PLCG2: variants seen among roughly 807,000 people sequenced by gnomAD.
The protein encoded by PLCG2 is phospholipase C gamma 2, also known as 1-phosphatidylinositol 4,5-bisphosphate phosphodiesterase gamma-2.
Under a neutral mutation model 175.6 loss-of-function variants are expected in PLCG2, and 69 were observed. The observed-to-expected ratio is 0.39, with a 90% confidence interval of 0.32 to 0.48. The LOEUF (loss-of-function observed/expected upper bound fraction) is 0.48, where lower values mean the gene tolerates loss of function less well. Among genes scored for constraint, PLCG2 ranks in the 20% least tolerant of loss-of-function variants. PLCG2 has a pLI of 0.91. For synonymous variants in PLCG2, 827 were observed against 624.0 expected (o/e 1.33, Z -4.85); for missense variants, 1,798 against 1,650.9 (o/e 1.09, Z -1.54).
At chr16:81,776,101 T>TGCTTTC (rs1910397888), upstream of PLCG2, among the ~76,000 whole-genome samples, 1 of 55,310 alleles carries the variant, frequency 1.8e-5, no homozygotes, top group Non-Finnish European at 4.1e-5. Context: ...TTCTTTCTTT[T>TGCTTTC]TTTCCTTCTT....
chr16:81,756,758 A>G (rs1483822710), intron 2 of PLCG2, among the ~76,000 whole-genome samples: 1 of 152,178 alleles, frequency 6.6e-6, no homozygotes. Flanking sequence ...GAGTTGCCCA[A>G]ACAACAAAGC....
chr16:81,935,235 G>T (rs1597142867), intron 26 of PLCG2, among the ~76,000 whole-genome samples: 2 of 152,240 alleles, frequency 1.3e-5, no homozygotes, highest in East Asian at 3.9e-4. Context: ...GGGGCTGCTG[G>T]CATTCCTTGG....
At chr16:81,803,012 C>A (rs1314597922) in intron 2 of PLCG2, among the ~76,000 whole-genome samples, 3 of 152,046 alleles carry the variant, frequency 2.0e-5, no homozygotes, top group Non-Finnish European at 4.4e-5. Flanking sequence ...GTCACCTCTA[C>A]TTTACTTTCC....
chr16:81,889,945 G>A (rs1387417751), intron 10 of PLCG2, among the ~76,000 whole-genome samples: 1 of 152,126 alleles, frequency 6.6e-6, no homozygotes, highest in Non-Finnish European at 1.5e-5. Context: ...GTGAGCCACC[G>A]CACCTGGCGG....
chr16:81,894,933 G>C (rs557934845), intron 12 of PLCG2, among the ~76,000 whole-genome samples: 1 of 152,000 alleles, frequency 6.6e-6, no homozygotes, highest in Non-Finnish European at 1.5e-5. Context: ...ACTGACTTAG[G>C]CTCCAGTGTT....
chr16:81,864,656 A>C (rs910221168), intron 5 of PLCG2, among the ~76,000 whole-genome samples: 16 of 152,218 alleles, frequency 1.1e-4, no homozygotes, highest in African/African-American at 3.9e-4. Context: ...TGCCTGGCTC[A>C]TGGTAAACAC....
At chr16:81,794,806 T>A (rs12933001) in intron 2 of PLCG2, among the ~76,000 whole-genome samples, 33,204 of 152,182 alleles carry the variant, frequency 0.22, 4,397 homozygotes, top group East Asian at 0.68. Flanking sequence ...AAGGATGGGA[T>A]AAATACTACA....
chr16:81,859,760 A>T (rs989751672), intron 5 of PLCG2, among the ~76,000 whole-genome samples: 7 of 151,118 alleles, frequency 4.6e-5, no homozygotes, highest in East Asian at 1.9e-4. Flanking sequence ...ATGGTCTTGA[A>T]CTCCTGACCT....
intron 24 of PLCG2, 47 bp downstream of exon 24, chr16:81,928,671 A>G (rs1458977966): frequency 1.5e-6 from 2 of 1,314,778 alleles, no homozygotes; most frequent in Non-Finnish European, 2.2e-6. Context: ...CCTATCCCCC[A>G]TGGGCTGACC....
intron 2 of PLCG2, among the ~76,000 whole-genome samples, chr16:81,814,184 G>C (rs1001644017): frequency 6.6e-6 from 1 of 152,180 alleles, no homozygotes; most frequent in Non-Finnish European, 1.5e-5. Context: ...ATACAGCGGA[G>C]GGGAATGGTA....
At chr16:81,817,965 G>A (rs1904625219) in intron 2 of PLCG2, among the ~76,000 whole-genome samples, 1 of 152,230 alleles carries the variant, frequency 6.6e-6, no homozygotes, top group Non-Finnish European at 1.5e-5. Context: ...CAAAGGAGAA[G>A]ACAGATTCTG....
chr16:81,957,866 C>G (rs749498448), intron 32 of PLCG2, 90 bp from the exon 33 acceptor site: 8 of 1,172,622 alleles, frequency 6.8e-6, no homozygotes, highest in Non-Finnish European at 1.0e-5. Context: ...GAATGACTGG[C>G]AAATGTACAG....
intron 2 of PLCG2, among the ~76,000 whole-genome samples, chr16:81,850,848 C>T (rs541986872): frequency 2.6e-5 from 4 of 152,318 alleles, no homozygotes; most frequent in African/African-American, 9.6e-5. Flanking sequence ...GGTCATTCTT[C>T]AGATCTCCTG....
intron 14 of PLCG2, among the ~76,000 whole-genome samples, chr16:81,902,143 T>C (rs1369117863): frequency 1.3e-5 from 2 of 152,214 alleles, no homozygotes; most frequent in African/African-American, 4.8e-5. Flanking sequence ...CATGAGAGCT[T>C]AGTCACGTTA....
intron 8 of PLCG2, among the ~76,000 whole-genome samples, chr16:81,882,682 C>T (rs1231173059): frequency 2.0e-5 from 3 of 151,732 alleles, no homozygotes; most frequent in East Asian, 1.9e-4. Context: ...TCCTCGAGGC[C>T]GCTGCTTCTC....
intron 14 of PLCG2, 59 bp downstream of exon 14, chr16:81,900,839 G>C (rs1909118911): frequency 1.3e-6 from 2 of 1,501,050 alleles, no homozygotes; most frequent in East Asian, 4.7e-5. Flanking sequence ...CGGTTCCCCG[G>C]CTCTGGGTCC....
In PLCG2 at chr16:81,880,946, A is replaced by T. The variant is rs1908049100; in HGVS notation, c.685A>T (p.Ile229Phe). The change falls in exon 8 of 33, where the codon ATC becomes TTC. Residue 229 changes from isoleucine to phenylalanine, a missense_variant. Physicochemically the swap from Ile to Phe is conservative, Grantham distance 21. Coordinates refer to ENST00000564138, the MANE Select transcript of PLCG2 (RefSeq NM_002661.5). ...DEFKKDSSVF[I>F]LGNTDRPDAS... ...ATTCAAAAAGGATTCGTCCGTGTTC[A>T]TCCTGGGGTGAGGCAGCTCTTGTGT... is the stretch of plus-strand genomic sequence containing the variant. 1 of 1,614,048 alleles carries T rather than the reference A, an allele frequency of 6.2e-7. No individual in the cohort carries two copies. The highest frequency in any genetic ancestry group is 1.7e-5 in the Admixed American group (1 of 60,006).
intron 2 of PLCG2, among the ~76,000 whole-genome samples, chr16:81,845,111 G>T (rs1906044988): frequency 6.6e-6 from 1 of 151,998 alleles, no homozygotes; most frequent in Non-Finnish European, 1.5e-5. Flanking sequence ...TTTATTTTTT[G>T]TATTTTTTTT....
At chr16:81,837,617 G>T (rs1905588505) in intron 2 of PLCG2, among the ~76,000 whole-genome samples, 1 of 151,678 alleles carries the variant, frequency 6.6e-6, no homozygotes, top group Non-Finnish European at 1.5e-5. Flanking sequence ...TGGGAGTGTG[G>T]TTTCCTTCTC....
Sources: allele counts gnomAD v4.1 joint callset (sites outside exome capture counted in the v4.1 genomes callset), GRCh38; gene constraint gnomAD v4.1.1; transcripts MANE v1.5; gene names NCBI Gene and HGNC (gene_info 2026-07-23, HGNC 2026-07-21).